The following GFPT1 variants were observed in gnomAD, a reference collection of about 807,000 sequenced individuals.
GFPT1 encodes the protein glutamine--fructose-6-phosphate transaminase 1, also known as glutamine--fructose-6-phosphate aminotransferase [isomerizing] 1.
In GFPT1, 40 loss-of-function variants were observed where a neutral mutation model predicts 92.0. That is an observed-to-expected ratio of 0.43 (90% CI 0.34 to 0.57). GFPT1 has a LOEUF of 0.57. Among genes scored for constraint, GFPT1 ranks in the 20% least tolerant of loss-of-function variants. The pLI, the probability that GFPT1 is intolerant of heterozygous loss-of-function variation, is 0.02. For missense variants in GFPT1, 448 were observed against 869.1 expected (o/e 0.52, Z 6.09); for synonymous variants, 269 against 280.6 (o/e 0.96, Z 0.41).
intron 4 of GFPT1, among the ~76,000 whole-genome samples, chr2:69,362,865 T>C (rs1034264233): frequency 6.6e-6 from 1 of 152,098 alleles, no homozygotes; most frequent in Non-Finnish European, 1.5e-5. Flanking sequence ...CACAACTGCA[T>C]GGAGAAAGAC....
intron 6 of GFPT1, among the ~76,000 whole-genome samples, 154 bp from the exon 7 acceptor site, chr2:69,356,711 C>T (rs772708910): frequency 3.3e-5 from 5 of 151,332 alleles, no homozygotes; most frequent in Non-Finnish European, 7.4e-5. Context: ...TAAACACTTA[C>T]TCCTAAGCTT....
intron 4 of GFPT1, among the ~76,000 whole-genome samples, chr2:69,360,283 C>G (rs2104659189): frequency 6.8e-6 from 1 of 148,082 alleles, no homozygotes; most frequent in South Asian, 2.2e-4. Context: ...GAGCCGAGAT[C>G]CCACCACTGC....
At chr2:69,337,875 A>T in intron 15 of GFPT1, 23 bp downstream of exon 15, 1 of 1,596,784 alleles carries the variant, frequency 6.3e-7, no homozygotes. Flanking sequence ...AATAATCATC[A>T]GAGAAATGAG....
intron 1 of GFPT1, among the ~76,000 whole-genome samples, chr2:69,379,610 T>G (rs1671958165): frequency 1.3e-5 from 2 of 152,078 alleles, no homozygotes; most frequent in Non-Finnish European, 2.9e-5. Flanking sequence ...CAATCCCAGC[T>G]CATTAAAACC....
chr2:69,363,809 A>C lies in GFPT1; in HGVS notation c.224-139T>G, dbSNP rs575527789. ...TGAAACTAAAGATCAGGCATATTCA[A>C]AATAGTGATTAAAAGACTTAGGAGG... On this transcript the variant is annotated intron_variant, in intron 3 of 19. Transcript: ENST00000357308. 76 of 722,202 alleles carry C rather than the reference A, an allele frequency of 1.1e-4. No homozygotes were observed. The East Asian group carries it at 1.2e-3, about 12-fold the overall frequency. 44.7% of individuals were successfully genotyped at this position (722,202 alleles called of 1,614,324 possible).
At chr2:69,363,514 T>A in intron 4 of GFPT1, 31 bp downstream of exon 4, 1 of 1,608,562 alleles carries the variant, frequency 6.2e-7, no homozygotes, top group Non-Finnish European at 8.5e-7. Context: ...GTTTCCACAA[T>A]CATTCCAAAG....
intron 1 of GFPT1, among the ~76,000 whole-genome samples, chr2:69,379,829 C>A (rs546327488): frequency 5.3e-5 from 8 of 152,186 alleles, no homozygotes; most frequent in African/African-American, 1.4e-4. Flanking sequence ...AAGCAATTCT[C>A]CTGCCTCAGC....
At chr2:69,379,041 T>C (rs1296850347) in intron 1 of GFPT1, among the ~76,000 whole-genome samples, 1 of 152,098 alleles carries the variant, frequency 6.6e-6, no homozygotes, top group African/African-American at 2.4e-5. Flanking sequence ...GCTCAGGAGT[T>C]CGAAACCAGC....
intron 4 of GFPT1, among the ~76,000 whole-genome samples, chr2:69,361,030 C>T (rs1470924747): frequency 2.6e-5 from 4 of 152,038 alleles, no homozygotes; most frequent in Admixed American, 6.6e-5. Context: ...TCACCACACC[C>T]GGCCCCCAAC....
At chr2:69,369,908 A>C in intron 3 of GFPT1, 93 bp downstream of exon 3, 1 of 811,858 alleles carries the variant, frequency 1.2e-6, no homozygotes, top group East Asian at 2.5e-5. Flanking sequence ...AATTGGTCCC[A>C]AAATATGGGG....
In GFPT1 at chr2:69,321,915, T is replaced by A. The variant is rs142243075; in HGVS notation, c.*4274A>T. 344 of 151,810 alleles carry A rather than the reference T, an allele frequency of 2.3e-3. 1 individual carries two copies. The highest frequency in any genetic ancestry group is 7.9e-3 in the African/African-American group (327 of 41,540). 9.4% of individuals were successfully genotyped at this position (151,810 alleles called of 1,614,324 possible). ...AAGTTAATATAGCATAATTTTACAATCGTACTTTCACTATGATTTTTATTT... is the reference window on the plus strand; with the variant it reads ...AAGTTAATATAGCATAATTTTACAAACGTACTTTCACTATGATTTTTATTT... On this transcript the variant is annotated 3_prime_UTR_variant, in exon 20 of 20. Coordinates refer to ENST00000357308, the MANE Select transcript of GFPT1 (RefSeq NM_001244710.2).
intron 3 of GFPT1, among the ~76,000 whole-genome samples, chr2:69,365,382 G>T (rs1465878004): frequency 6.6e-6 from 1 of 152,150 alleles, no homozygotes; most frequent in African/African-American, 2.4e-5. Flanking sequence ...TGAGGTAGGA[G>T]AATCAATTGA....
chr2:69,368,761 C>A (rs757755061), intron 3 of GFPT1, among the ~76,000 whole-genome samples: 39 of 152,010 alleles, frequency 2.6e-4, no homozygotes, highest in South Asian at 1.0e-3. Flanking sequence ...AAGTTGACCA[C>A]GAAGAGGCAT....
chr2:69,357,497 A>C (rs909837831), intron 6 of GFPT1, among the ~76,000 whole-genome samples: 12 of 152,214 alleles, frequency 7.9e-5, no homozygotes, highest in African/African-American at 2.9e-4. Flanking sequence ...GTTAGAAACG[A>C]GAAAAGGCTG....
intron 12 of GFPT1, among the ~76,000 whole-genome samples, chr2:69,345,041 A>G (rs1035832749): frequency 6.6e-6 from 1 of 152,170 alleles, no homozygotes; most frequent in Non-Finnish European, 1.5e-5. Flanking sequence ...AAAAGAATTT[A>G]CTGCTACTCT....
chr2:69,327,938 A>G (rs956344649), intron 18 of GFPT1, among the ~76,000 whole-genome samples: 1 of 151,868 alleles, frequency 6.6e-6, no homozygotes, highest in Non-Finnish European at 1.5e-5. Flanking sequence ...CATCTCTACC[A>G]AAAATACAAA....
intron 9 of GFPT1, 44 bp from the exon 10 acceptor site, chr2:69,350,227 C>T (rs1357864171): frequency 4.9e-6 from 6 of 1,223,630 alleles, no homozygotes; most frequent in Non-Finnish European, 7.3e-6. Flanking sequence ...TGTAGAAAAT[C>T]ATGTCCAATG....
chr2:69,386,183 C>G (rs532416077), intron 1 of GFPT1, among the ~76,000 whole-genome samples: 1 of 152,106 alleles, frequency 6.6e-6, no homozygotes, highest in Admixed American at 6.5e-5. Flanking sequence ...CTCAAAGTCT[C>G]TTTCACTAAC....
intron 1 of GFPT1, among the ~76,000 whole-genome samples, chr2:69,379,474 T>C (rs1444419901): frequency 6.6e-6 from 1 of 152,128 alleles, no homozygotes; most frequent in Non-Finnish European, 1.5e-5. Context: ...AACTAGTCAA[T>C]ATTATAATTA....
Sources: allele counts gnomAD v4.1 joint callset (sites outside exome capture counted in the v4.1 genomes callset), GRCh38; gene constraint gnomAD v4.1.1; transcripts MANE v1.5; gene names NCBI Gene and HGNC (gene_info 2026-07-23, HGNC 2026-07-21).